RBFOX1: variants seen among roughly 807,000 people sequenced by gnomAD.
RBFOX1 encodes RNA binding fox-1 homolog 1, also known as RNA binding protein fox-1 homolog 1.
A neutral mutation model predicts 57.7 loss-of-function variants in RBFOX1; 8 were observed. That is an observed-to-expected ratio of 0.14 (90% CI 0.08 to 0.25). The LOEUF is 0.25. Ranked by LOEUF, RBFOX1 falls within the 10% of genes least tolerant of loss-of-function variation. RBFOX1 has a pLI of 1.00. For synonymous variants in RBFOX1, 326 were observed against 222.4 expected (o/e 1.47, Z -4.15); for missense variants, 611 against 548.5 (o/e 1.11, Z -1.14).
chr16:6,655,182 T>G (rs895600421), intron 3 of RBFOX1, among the ~76,000 whole-genome samples: 1 of 151,168 alleles, frequency 6.6e-6, no homozygotes, highest in African/African-American at 2.4e-5. Context: ...GAGACCAACC[T>G]GGCCAACATG....
chr16:6,431,912 T>G (rs80112309), intron 2 of RBFOX1, among the ~76,000 whole-genome samples: 15,865 of 101,564 alleles, frequency 0.16, 948 homozygotes, highest in Non-Finnish European at 0.19. Context: ...TTTCTTTCTT[T>G]CTTTCTTTCT....
At chr16:6,057,332 T>C (rs79198398) in intron 1 of RBFOX1, among the ~76,000 whole-genome samples, 1,625 of 152,178 alleles carry the variant, frequency 0.011, 24 homozygotes, top group African/African-American at 0.037. Context: ...TTTAATATCA[T>C]GCAACTGTTT....
At chr16:7,506,360 T>G (rs2073301380) in intron 4 of RBFOX1, among the ~76,000 whole-genome samples, 1 of 152,042 alleles carries the variant, frequency 6.6e-6, no homozygotes, top group Non-Finnish European at 1.5e-5. Context: ...ACAAGTTGTG[T>G]GAGCATGAGC....
chr16:5,996,452 ATTTT>A (rs35219123), intron 4 of RBFOX1, among the ~76,000 whole-genome samples: 1 of 147,712 alleles, frequency 6.8e-6, no homozygotes, highest in African/African-American at 2.5e-5. Flanking sequence ...TGTGAGGGTG[ATTTT>A]TTTTTTTTTC....
chr16:7,528,768 G>C (rs1250905682), intron 5 of RBFOX1, among the ~76,000 whole-genome samples: 3 of 152,128 alleles, frequency 2.0e-5, no homozygotes, highest in Admixed American at 6.5e-5. Context: ...ATAGTCTTTA[G>C]GTGCATAGTA....
In RBFOX1 at chr16:5,970,057, C is replaced by CTTCAG. The variant is rs1451150319; in HGVS notation, c.351+102722_351+102723insTTCAG. 7.2e-5 allele frequency among the ~76,000 whole-genome samples: 11 copies of CTTCAG among 152,248 alleles called. No individual in the cohort carries two copies. In the East Asian group the frequency reaches 2.1e-3, roughly 30 times the overall value. Reference sequence around the variant, plus strand: ...GCTGTCTTCAGATTGGCACTCTACACATTGCTGCCACTGCCTCTTGGTCAC... The same window carrying CTTCAG: ...GCTGTCTTCAGATTGGCACTCTACACTTCAGATTGCTGCCACTGCCTCTTGGTCAC... On this transcript the variant is annotated intron_variant, in intron 4 of 19. Coordinates refer to the RBFOX1 transcript ENST00000641259.
At chr16:5,761,484 C>T (rs1248932873) in intron 3 of RBFOX1, among the ~76,000 whole-genome samples, 1 of 152,156 alleles carries the variant, frequency 6.6e-6, no homozygotes, top group African/African-American at 2.4e-5. Flanking sequence ...GACTCAGTTC[C>T]ACATGGCTTG....
At chr16:7,023,646 A>C (rs757506685) in intron 3 of RBFOX1, among the ~76,000 whole-genome samples, 4 of 149,110 alleles carry the variant, frequency 2.7e-5, no homozygotes, top group Non-Finnish European at 5.9e-5. Flanking sequence ...GGAAGGCCCC[A>C]GTATACCTTG....
intron 4 of RBFOX1, among the ~76,000 whole-genome samples, chr16:7,285,283 T>C (rs775004971): frequency 4.6e-5 from 7 of 151,990 alleles, no homozygotes; most frequent in East Asian, 1.9e-4. Context: ...ATGGTAACAT[T>C]TGGCAAAATT....
intron 2 of RBFOX1, among the ~76,000 whole-genome samples, chr16:6,613,365 A>C (rs116632050): frequency 0.011 from 1,687 of 152,226 alleles, 30 homozygotes; most frequent in African/African-American, 0.037. Flanking sequence ...CTTAGCACAC[A>C]GAAAATCCAT....
chr16:7,240,768 C>T (rs2094014230), intron 4 of RBFOX1, among the ~76,000 whole-genome samples: 1 of 152,102 alleles, frequency 6.6e-6, no homozygotes, highest in Non-Finnish European at 1.5e-5. Flanking sequence ...TGGGGTTTTG[C>T]CATGTTGCCC....
chr16:5,899,740 A>G lies in RBFOX1; in HGVS notation c.351+32405A>G, dbSNP rs142480629. On this transcript the variant is annotated intron_variant, in intron 4 of 19. Coordinates refer to the RBFOX1 transcript ENST00000641259. ...AGATTCCAACCCGCCTGGTCCATCC[A>G]CAGATTCACCTGAATGGGCATGCTG... Among the ~76,000 whole-genome samples, 258 of 152,274 alleles carry G rather than the reference A, an allele frequency of 1.7e-3. 9 individuals are homozygous for G. The East Asian group carries it at 0.044, about 26-fold the overall frequency.
chr16:5,271,660 GGAACT>G (rs2063011596), intron 1 of RBFOX1, among the ~76,000 whole-genome samples: 1 of 151,972 alleles, frequency 6.6e-6, no homozygotes. Context: ...TCTACAGTGA[GGAACT>G]GAGCTTTCAG....
chr16:6,359,492 T>C (rs1031492545), intron 2 of RBFOX1, among the ~76,000 whole-genome samples: 9 of 152,190 alleles, frequency 5.9e-5, no homozygotes, highest in Admixed American at 4.6e-4. Context: ...TGTCTTAGGA[T>C]GGGAGCACAT....
At position 6,281,277 on chromosome 16, in the gene RBFOX1, C is replaced by T. The variant is rs146021473; in HGVS notation, c.-126-35718C>T. On this transcript the variant is annotated intron_variant, in intron 1 of 15. Transcript: ENST00000550418. ...CCCACGGAATTGTCACCATAACCTT[C>T]AGAGATGGGCACTGTTATTGATCCC... is the stretch of plus-strand genomic sequence containing the variant. Among the ~76,000 whole-genome samples, 1,200 of 152,164 alleles carry T rather than the reference C, an allele frequency of 7.9e-3. 17 individuals carry two copies. The highest frequency in any genetic ancestry group is 0.012 in the Non-Finnish European group (839 of 68,020).
intron 13 of RBFOX1, 84 bp downstream of exon 13, chr16:7,665,052 G>A (rs1269026087): frequency 1.2e-6 from 2 of 1,611,824 alleles, no homozygotes; most frequent in African/African-American, 1.3e-5. Context: ...TTCTCTACTT[G>A]GCGTAGTTGA....
intron 4 of RBFOX1, among the ~76,000 whole-genome samples, chr16:7,260,339 T>A (rs771752079): frequency 6.6e-6 from 1 of 152,188 alleles, no homozygotes; most frequent in Non-Finnish European, 1.5e-5. Context: ...AGTGTGTGTT[T>A]TGTTAAAATT....
chr16:6,998,988 C>CAT (rs2092518890), intron 3 of RBFOX1, among the ~76,000 whole-genome samples: 1 of 151,392 alleles, frequency 6.6e-6, no homozygotes, highest in Non-Finnish European at 1.5e-5. Context: ...CGTGCCTCGG[C>CAT]ATCCTGAGTA....
chr16:6,334,042 T>A (rs1468844591), intron 2 of RBFOX1, among the ~76,000 whole-genome samples: 1 of 152,174 alleles, frequency 6.6e-6, no homozygotes, highest in Non-Finnish European at 1.5e-5. Context: ...AGGATTTTTC[T>A]AGAGAAATAT....
Sources: allele counts gnomAD v4.1 joint callset (sites outside exome capture counted in the v4.1 genomes callset), GRCh38; gene constraint gnomAD v4.1.1; transcripts MANE v1.5; gene names NCBI Gene and HGNC (gene_info 2026-07-23, HGNC 2026-07-21).